SYTL4: variants seen among roughly 807,000 people sequenced by gnomAD.
SYTL4 encodes synaptotagmin-like protein 4.
SYTL4 carries 16 observed loss-of-function variants against 52.7 expected under a neutral mutation model. The ratio of observed to expected loss-of-function variants is 0.30; its 90% CI spans 0.21 to 0.46. The LOEUF (loss-of-function observed/expected upper bound fraction) is 0.46. SYTL4 is among the 20% of genes least tolerant of loss of function. SYTL4 has a pLI of 1.00. For synonymous variants in SYTL4, 160 were observed against 186.6 expected (o/e 0.86, Z 1.16); for missense variants, 423 against 519.9 (o/e 0.81, Z 1.81).
intron 12 of SYTL4, among the ~76,000 whole-genome samples, 199 bp from the exon 13 acceptor site, chrX:100,688,642 G>A (rs2083522124): frequency 9.8e-6 from 1 of 101,693 alleles, no homozygotes; most frequent in East Asian, 3.2e-4. Context: ...TCAGCTCACC[G>A]CAACCTCCGC....
chrX:100,724,666 AAGGCAGCATGCTCGTTAAG>A (rs1342453334), intron 2 of SYTL4, among the ~76,000 whole-genome samples: 1 of 100,962 alleles, frequency 9.9e-6, no homozygotes, highest in African/African-American at 3.7e-5. Context: ...CAGATGCTTG[AAGGCAGCATGCTCGTTAAG>A]AGTCATCACC....
intron 16 of SYTL4, among the ~76,000 whole-genome samples, chrX:100,684,053 A>T (rs2083431224): frequency 8.9e-6 from 1 of 111,840 alleles, no homozygotes; most frequent in Non-Finnish European, 1.9e-5. Context: ...TTTGGTAATA[A>T]TTTCTTTCCT....
At position 100,709,263 on chromosome X, in the gene SYTL4, C is replaced by T. The variant is rs188061826; in HGVS notation, c.-239-4377G>A. ...ATCCCAGCATTTTGGGAGGCTAAGG[C>T]GGGTGGATCACTTGAGGCCAGGAGT... is the stretch of plus-strand genomic sequence containing the variant. On this transcript the variant is annotated intron_variant, in intron 2 of 19. Transcript: ENST00000372989. Among the ~76,000 whole-genome samples the T allele has an allele frequency of 3.9e-3, 427 of 109,230 alleles. 1 individual carries two copies. The highest frequency in any genetic ancestry group is 6.7e-3 in the Non-Finnish European group (353 of 52,448). The allele number at this position is 109,230 out of a possible 115,157, so 94.9% of individuals were successfully genotyped here.
At chrX:100,695,640 C>T (rs1226865426) in intron 8 of SYTL4, among the ~76,000 whole-genome samples, 1 of 111,983 alleles carries the variant, frequency 8.9e-6, no homozygotes, top group East Asian at 2.8e-4. Context: ...TGAAACAGAT[C>T]CTTGGTGCTG....
chrX:100,724,189 AGGTGGGGG>A (rs2084443469), intron 2 of SYTL4, among the ~76,000 whole-genome samples: 1 of 74,967 alleles, frequency 1.3e-5, no homozygotes, highest in African/African-American at 5.2e-5. Context: ...TCCGGGAGGG[AGGTGGGGG>A]GGTCATCAGC....
chrX:100,720,806 G>A (rs2084325599), intron 2 of SYTL4, among the ~76,000 whole-genome samples: 1 of 112,190 alleles, frequency 8.9e-6, no homozygotes, highest in South Asian at 3.7e-4. Flanking sequence ...ATTTTAAAGT[G>A]TTACTTGAGG....
At chrX:100,676,246 C>T in intron 19 of SYTL4, 70 bp from the exon 20 acceptor site, 1 of 1,129,697 alleles carries the variant, frequency 8.9e-7, no homozygotes. Context: ...ATGGGTTGTA[C>T]AGCAAGATTA....
intron 2 of SYTL4, among the ~76,000 whole-genome samples, chrX:100,727,443 C>T (rs767542094): frequency 1.3e-4 from 15 of 112,429 alleles, no homozygotes; most frequent in Admixed American, 9.4e-4. Context: ...AAATTAAAAG[C>T]GTCATCCATC....
At chrX:100,727,280 C>T (rs2084539203) in intron 2 of SYTL4, among the ~76,000 whole-genome samples, 1 of 111,684 alleles carries the variant, frequency 9.0e-6, no homozygotes, top group African/African-American at 3.3e-5. Flanking sequence ...AAATATATAA[C>T]CCAAAAGATA....
chrX:100,682,173 C>T (rs544913188), intron 16 of SYTL4, among the ~76,000 whole-genome samples: 110 of 111,134 alleles, frequency 9.9e-4, no homozygotes, highest in African/African-American at 3.3e-3. Context: ...TTCCAGAGTC[C>T]GTGCTTTTAA....
chrX:100,724,731 TGCGGAAGGCC>T (rs931467327), intron 2 of SYTL4, among the ~76,000 whole-genome samples: 3 of 107,411 alleles, frequency 2.8e-5, no homozygotes, highest in Admixed American at 9.9e-5. Context: ...ACACAAACAC[TGCGGAAGGCC>T]GCAGGGTCCT....
chrX:100,712,278 T>C (rs1215224822), intron 2 of SYTL4, among the ~76,000 whole-genome samples: 1 of 112,285 alleles, frequency 8.9e-6, no homozygotes, highest in Non-Finnish European at 1.9e-5. Flanking sequence ...TTTTAAAATA[T>C]AATCGACCGT....
chrX:100,686,549 C>T, intron 15 of SYTL4, 130 bp downstream of exon 15: 1 of 471,989 alleles, frequency 2.1e-6, no homozygotes, highest in Non-Finnish European at 3.7e-6. Context: ...TGAACAGATA[C>T]CCAATGTATC....
At chrX:100,710,339 G>A (rs1405354473) in intron 2 of SYTL4, among the ~76,000 whole-genome samples, 3 of 111,684 alleles carry the variant, frequency 2.7e-5, no homozygotes, top group Admixed American at 9.5e-5. Flanking sequence ...GTTTTACACC[G>A]AAACTGATCA....
At chrX:100,690,498 C>G (rs1222428943) in intron 10 of SYTL4, 65 bp downstream of exon 10, 2 of 888,624 alleles carry the variant, frequency 2.3e-6, no homozygotes, top group Non-Finnish European at 3.2e-6. Context: ...CGGAGGGAGA[C>G]AGGAGGTAAA....
At chrX:100,697,217 G>A (rs189170701) in intron 8 of SYTL4, among the ~76,000 whole-genome samples, 226 of 112,020 alleles carry the variant, frequency 2.0e-3, no homozygotes, top group Non-Finnish European at 2.6e-3. Context: ...GGACAGGTAA[G>A]CCCTGAACCA....
intron 8 of SYTL4, among the ~76,000 whole-genome samples, chrX:100,692,148 A>C (rs575237852): frequency 7.2e-5 from 8 of 111,415 alleles, no homozygotes; most frequent in African/African-American, 2.6e-4. Context: ...CAATTCCTCC[A>C]GATCTCTCTG....
Position 100,698,123 on chromosome X carries a change from G to C in SYTL4, c.539+2774C>G, listed in dbSNP as rs771158278. 3.5e-4 allele frequency among the ~76,000 whole-genome samples: 39 copies of C among 110,708 alleles called. 1 individual carries two copies. In the East Asian group the frequency reaches 0.01, roughly 29 times the overall value. On this transcript the variant is annotated intron_variant, in intron 8 of 19. Transcript: ENST00000372989. ...TTTTTTTTTATTTTTTATTTTTTGA[G>C]ATGGAGTCTTGCTCTGTTGCCCAGG... is the stretch of plus-strand genomic sequence containing the variant.
chrX:100,682,268 A>G (rs768813103), intron 16 of SYTL4, among the ~76,000 whole-genome samples: 177 of 112,110 alleles, frequency 1.6e-3, no homozygotes, highest in African/African-American at 5.5e-3. Flanking sequence ...GAATAGGGAA[A>G]TGAAAGACAA....
Sources: gnomAD v4.1 joint callset for allele counts (sites outside exome capture counted in the v4.1 genomes callset) on GRCh38, gnomAD v4.1.1 for gene constraint, MANE v1.5 for transcripts, NCBI Gene and HGNC (gene_info 2026-07-23, HGNC 2026-07-21) for gene names.